WNK1: variants seen among roughly 807,000 people sequenced by gnomAD.
The protein encoded by WNK1 is WNK lysine deficient protein kinase 1.
A neutral mutation model predicts 222.8 loss-of-function variants in WNK1; 38 were observed. The observed-to-expected ratio is 0.17, with a 90% CI of 0.13 to 0.22. The LOEUF is 0.22. Ranked by LOEUF, WNK1 falls within the 10% of genes least tolerant of loss-of-function variation. WNK1 has a pLI of 1.00. For missense variants in WNK1, 2,348 were observed against 2,918.4 expected, an observed-to-expected ratio of 0.80 and a Z score of 4.50; for synonymous variants, 1,090 against 1,092.9, an observed-to-expected ratio of 1.00 and a Z score of 0.05.
At position 908,882 on chromosome 12, in the gene WNK1, A is replaced by G. The variant is rs1955917241; in HGVS notation, c.*90A>G. The G allele has an allele frequency of 2.2e-6, 3 of 1,335,002 alleles. No individual in the cohort carries two copies. The highest frequency in any genetic ancestry group is 3.8e-5 in the Admixed American group (2 of 52,802). The allele number at this position is 1,335,002 out of a possible 1,614,324, so 82.7% of individuals were successfully genotyped here. On this transcript the variant is annotated 3_prime_UTR_variant, in exon 28 of 28. Coordinates refer to ENST00000315939, the MANE Select transcript of WNK1 (RefSeq NM_018979.4). The stretch of plus-strand genomic sequence containing the variant: ...GTGGGAAGTAGCCTATATACTAACT[A>G]CTAGTGCTGCATTTAACTGGTTATT...
chr12:893,324 A>C (rs765435572), intron 22 of WNK1, among the ~76,000 whole-genome samples: 11 of 152,296 alleles, frequency 7.2e-5, no homozygotes, highest in Middle Eastern at 3.4e-3. Context: ...TAAATATGAA[A>C]TATATATATG....
At chr12:845,131 G>A (rs945952048) in intron 4 of WNK1, among the ~76,000 whole-genome samples, 2 of 151,818 alleles carry the variant, frequency 1.3e-5, no homozygotes, top group East Asian at 1.9e-4. Context: ...TCCTGACCTC[G>A]TGATCCGCCC....
intron 4 of WNK1, among the ~76,000 whole-genome samples, chr12:843,108 G>C (rs946011991): frequency 6.6e-6 from 1 of 152,068 alleles, no homozygotes; most frequent in African/African-American, 2.4e-5. Flanking sequence ...ACTAATTTTT[G>C]TATTTTTAGT....
At chr12:902,847 A>G (rs1021814720) in intron 26 of WNK1, among the ~76,000 whole-genome samples, 5 of 152,268 alleles carry the variant, frequency 3.3e-5, no homozygotes, top group African/African-American at 1.2e-4. Context: ...TTCGTGGAAG[A>G]ACAGTTTAAA....
intron 9 of WNK1, 64 bp from the exon 10 acceptor site, chr12:878,148 G>A (rs1385157923): frequency 2.5e-6 from 4 of 1,605,004 alleles, no homozygotes; most frequent in Non-Finnish European, 3.4e-6. Flanking sequence ...AGGTAAACAT[G>A]CTTCCTTAGA....
At chr12:835,895 A>G (rs995113610) in intron 4 of WNK1, among the ~76,000 whole-genome samples, 3 of 152,090 alleles carry the variant, frequency 2.0e-5, no homozygotes, top group Non-Finnish European at 4.4e-5. Context: ...CAGAAATTGC[A>G]GTGAGCTGAG....
chr12:846,325 A>G (rs998668974), intron 4 of WNK1, among the ~76,000 whole-genome samples: 1 of 152,226 alleles, frequency 6.6e-6, no homozygotes, highest in Non-Finnish European at 1.5e-5. Context: ...AAGTAAAAGT[A>G]GGAATATATT....
chr12:794,505 T>TG lies in WNK1; in HGVS notation c.760-19137_760-19136insG, dbSNP rs753377163. Among the ~76,000 whole-genome samples, 1,001 of 152,062 alleles carry TG rather than the reference T, an allele frequency of 6.6e-3. 5 individuals are homozygous for TG. The highest frequency in any genetic ancestry group is 9.9e-3 in the Non-Finnish European group (672 of 67,986). On this transcript the variant is annotated intron_variant, in intron 1 of 27. Transcript: ENST00000315939. ...TTCCTTTTTCCTAGTTGGTTGAATT[T>TG]TTTTTTTTTTTTAAATGAAAGGGTG...
intron 26 of WNK1, among the ~76,000 whole-genome samples, chr12:902,669 A>G (rs910230092): frequency 2.0e-5 from 3 of 152,152 alleles, no homozygotes; most frequent in Non-Finnish European, 4.4e-5. Context: ...ATAGCAAGTC[A>G]CCCCATCTTC....
At chr12:800,589 C>T (rs1018300565) in intron 1 of WNK1, among the ~76,000 whole-genome samples, 17 of 151,916 alleles carry the variant, frequency 1.1e-4, no homozygotes, top group Non-Finnish European at 2.4e-4. Flanking sequence ...TTTGTGAGTT[C>T]TCAAGTGTGA....
chr12:827,571 C>T lies in WNK1; in HGVS notation c.1153+309C>T. 1 of 438,168 alleles carries T rather than the reference C, an allele frequency of 2.3e-6. No individual in the cohort carries two copies. The allele number at this position is 438,168 out of a possible 1,614,324, so 27.1% of individuals were successfully genotyped here. ...TGAGATGGAGTCTCTCTCTGTCACC[C>T]AGGCTAGAGTGCAGTGGCACAATCT... On this transcript the variant is annotated intron_variant, in intron 3 of 27. Transcript: ENST00000315939. The surrounding 1 kb of genome is among the most constrained non-coding windows in gnomAD (Gnocchi z 4.6).
chr12:880,927 G>A lies in WNK1; in HGVS notation c.3039G>A (p.Gln1013=). 10 of 1,614,184 alleles carry A rather than the reference G, an allele frequency of 6.2e-6. No individual in the cohort carries two copies. The highest frequency in any genetic ancestry group is 7.6e-6 in the Non-Finnish European group (9 of 1,180,040). ...TTCCTATGGGTGGTGTAGGAGGACA[G>A]GTTCAAGTGTCCCAGCCAGGAGGGA... ...LLVPMGGVGG[Q]VQVSQPGGSL... The change falls in exon 12 of 28, where the codon CAG becomes CAA. Residue 1013 remains glutamine, a synonymous_variant. Transcript: ENST00000315939.
intron 25 of WNK1, among the ~76,000 whole-genome samples, chr12:899,499 T>A (rs1338898029): frequency 6.6e-6 from 1 of 152,088 alleles, no homozygotes; most frequent in Non-Finnish European, 1.5e-5. Context: ...GCCAGACTGG[T>A]CTGAAACTTC....
At chr12:833,582 T>C (rs558162167) in intron 4 of WNK1, among the ~76,000 whole-genome samples, 1 of 141,964 alleles carries the variant, frequency 7.0e-6, no homozygotes, top group South Asian at 2.1e-4. Flanking sequence ...CATGACATTT[T>C]ATCTGATTGG....
intron 9 of WNK1, among the ~76,000 whole-genome samples, chr12:876,404 G>A (rs531768357): frequency 2.8e-4 from 43 of 151,888 alleles, no homozygotes; most frequent in South Asian, 1.5e-3. Context: ...GCGAGACTCC[G>A]TGTCAAAAAA....
At chr12:825,126 A>T (rs1948247711) in intron 2 of WNK1, among the ~76,000 whole-genome samples, 1 of 152,178 alleles carries the variant, frequency 6.6e-6, no homozygotes, top group African/African-American at 2.4e-5. Context: ...CGTGTAACCA[A>T]AACTCTCAAG....
rs886048832 is a variant in WNK1 at position 911,367 on chromosome 12, T to TAAGA, written c.*2576_*2579dup. On this transcript the variant is annotated 3_prime_UTR_variant, in exon 28 of 28. Transcript: ENST00000315939. ...CTAACTCTGGGTGTTGCGCTTCTTG[T>TAAGA]AAGATTGCGCTTTGTGCTTCAGTTT... 6 of 398,542 alleles carry TAAGA rather than the reference T, an allele frequency of 1.5e-5. No individual in the cohort carries two copies. Among genetic ancestry groups the TAAGA allele is most frequent in the South Asian group, 2.5e-4 (2 of 7,866 alleles). The allele number at this position is 398,542 out of a possible 1,614,324, so 24.7% of individuals were successfully genotyped here.
Position 782,944 on chromosome 12 carries a change from C to A in WNK1, c.759+28620C>A, listed in dbSNP as rs1943874124. Among the ~76,000 whole-genome samples the A allele has an allele frequency of 2.0e-5, 3 of 151,714 alleles. No homozygotes were observed. The South Asian group carries it at 6.3e-4, about 32-fold the overall frequency. ...ACAGGGTCTTGCCCTGTCACCCAGG[C>A]TGGAGTGCAGTGAGTGGTGCACGAT... On this transcript the variant is annotated intron_variant, in intron 1 of 27. Transcript: ENST00000315939.
At chr12:787,937 T>C (rs1014181774) in intron 1 of WNK1, among the ~76,000 whole-genome samples, 3 of 152,190 alleles carry the variant, frequency 2.0e-5, no homozygotes, top group African/African-American at 7.2e-5. Context: ...ATAGATATTA[T>C]ATGTAATTTC....
Sources: gnomAD v4.1 joint callset for allele counts (sites outside exome capture counted in the v4.1 genomes callset) on GRCh38, gnomAD v4.1.1 for gene constraint, Gnocchi (gnomAD v3.1) non-coding constraint, MANE v1.5 for transcripts, NCBI Gene and HGNC (gene_info 2026-07-23, HGNC 2026-07-21) for gene names.